ARL15: variants seen among roughly 807,000 people sequenced by gnomAD.
ARL15 encodes ARF like GTPase 15.
In ARL15, 19 loss-of-function variants were observed where a neutral mutation model predicts 25.2. That is an observed-to-expected ratio of 0.75 (90% confidence interval 0.53 to 1.10). The LOEUF (loss-of-function observed/expected upper bound fraction) is 1.10. Ranked by LOEUF, ARL15 falls within the 50% of genes least tolerant of loss-of-function variation. The pLI, the probability that ARL15 is intolerant of heterozygous loss-of-function variation, is 0.00. For missense variants in ARL15, 220 were observed against 246.0 expected (o/e 0.89, Z 0.71); for synonymous variants, 94 against 86.8 (o/e 1.08, Z -0.46).
chr5:54,076,026 G>A (rs1751588067), intron 4 of ARL15, among the ~76,000 whole-genome samples: 1 of 152,134 alleles, frequency 6.6e-6, no homozygotes, highest in African/African-American at 2.4e-5. Flanking sequence ...GTGTGCATGT[G>A]TAAATAATAC....
rs533795169 is a variant in ARL15 at position 54,236,743 on chromosome 5, CAAGT to C, written c.49-64819_49-64816del. On this transcript the variant is annotated intron_variant, in intron 1 of 4. Coordinates refer to ENST00000504924, the MANE Select transcript of ARL15 (RefSeq NM_019087.3). ...ATTTAAACAAAATCCTTCTTTTCTT[CAAGT>C]AATTAAAACTCTTTAATCTTTTATC... Among the ~76,000 whole-genome samples the C allele has an allele frequency of 1.5e-3, 224 of 152,332 alleles. 2 individuals carry two copies. The highest frequency in any genetic ancestry group is 5.0e-3 in the African/African-American group (207 of 41,582).
intron 1 of ARL15, among the ~76,000 whole-genome samples, chr5:54,283,122 G>A (rs1047984348): frequency 2.0e-5 from 3 of 152,148 alleles, no homozygotes; most frequent in Non-Finnish European, 4.4e-5. Flanking sequence ...CAGCAATCAC[G>A]GTTTTATCCA....
chr5:54,040,600 T>G (rs1750313571), intron 4 of ARL15, among the ~76,000 whole-genome samples: 1 of 152,212 alleles, frequency 6.6e-6, no homozygotes, highest in South Asian at 2.1e-4. Flanking sequence ...CTGCATTCAT[T>G]ATGTTTTTTA....
At chr5:54,035,816 C>T (rs374050) in intron 4 of ARL15, among the ~76,000 whole-genome samples, 4 of 151,692 alleles carry the variant, frequency 2.6e-5, no homozygotes, top group African/African-American at 4.8e-5. Context: ...TTTTTAAAAC[C>T]CAAGTCCATT....
At chr5:54,241,661 CTAAT>C (rs1302769172) in intron 1 of ARL15, among the ~76,000 whole-genome samples, 1 of 152,132 alleles carries the variant, frequency 6.6e-6, no homozygotes, top group Non-Finnish European at 1.5e-5. Context: ...TTAAAAATAA[CTAAT>C]TATATAATTC....
intron 1 of ARL15, among the ~76,000 whole-genome samples, chr5:54,207,867 G>A (rs966112029): frequency 4.6e-5 from 7 of 152,210 alleles, no homozygotes; most frequent in African/African-American, 1.2e-4. Flanking sequence ...TCCTCTCTCC[G>A]ATTTCACAAG....
intron 2 of ARL15, among the ~76,000 whole-genome samples, chr5:54,169,919 T>C (rs1016352574): frequency 1.4e-4 from 22 of 152,218 alleles, no homozygotes; most frequent in African/African-American, 4.8e-4. Context: ...CTTTCCCTCA[T>C]CCTAAAATCA....
chr5:54,091,578 A>C (rs1752128549), intron 4 of ARL15, among the ~76,000 whole-genome samples: 1 of 152,134 alleles, frequency 6.6e-6, no homozygotes, highest in Non-Finnish European at 1.5e-5. Context: ...CCAGCAACCC[A>C]GTTGTGGGCC....
intron 4 of ARL15, among the ~76,000 whole-genome samples, chr5:53,984,882 T>A (rs75250438): frequency 0.033 from 4,952 of 152,282 alleles, 102 homozygotes; most frequent in Non-Finnish European, 0.052. Flanking sequence ...GGACTGAACC[T>A]GTAGCTAGGC....
intron 1 of ARL15, among the ~76,000 whole-genome samples, chr5:54,299,442 T>G (rs573065768): frequency 7.2e-5 from 11 of 152,302 alleles, no homozygotes; most frequent in African/African-American, 2.4e-4. Flanking sequence ...AACATTTAAT[T>G]TCTCTAAGCT....
At chr5:54,121,344 T>C (rs757813299) in intron 3 of ARL15, among the ~76,000 whole-genome samples, 7 of 152,084 alleles carry the variant, frequency 4.6e-5, no homozygotes, top group Non-Finnish European at 8.8e-5. Context: ...TTTCTCCACC[T>C]GGCCCATTCC....
chr5:54,239,733 T>C (rs1756904688), intron 1 of ARL15, among the ~76,000 whole-genome samples: 1 of 152,196 alleles, frequency 6.6e-6, no homozygotes, highest in Non-Finnish European at 1.5e-5. Context: ...GTGATGGCTT[T>C]AGCTCAAATA....
chr5:53,968,191 A>T (rs1233004026), intron 4 of ARL15, among the ~76,000 whole-genome samples: 2 of 152,166 alleles, frequency 1.3e-5, no homozygotes, highest in Non-Finnish European at 2.9e-5. Context: ...CATGATGTAA[A>T]CTGATACTCT....
chr5:54,283,581 AG>A (rs58241571), intron 1 of ARL15, among the ~76,000 whole-genome samples: 152,324 of 152,324 alleles, frequency 1, 76,162 homozygotes, highest in Non-Finnish European at 1. Flanking sequence ...AAAACAAACC[AG>A]GGGCCATGCC....
intron 1 of ARL15, among the ~76,000 whole-genome samples, chr5:54,263,854 T>A (rs994438664): frequency 1.3e-5 from 2 of 152,170 alleles, no homozygotes; most frequent in Non-Finnish European, 2.9e-5. Context: ...AGTTGCAAGA[T>A]CATCTTCTTT....
intron 4 of ARL15, among the ~76,000 whole-genome samples, chr5:54,008,896 T>C (rs921724230): frequency 2.6e-5 from 4 of 152,232 alleles, no homozygotes; most frequent in Non-Finnish European, 5.9e-5. Flanking sequence ...TCTGGCATTG[T>C]CATTTCAGTA....
chr5:54,300,523 G>A (rs374637472), intron 1 of ARL15, among the ~76,000 whole-genome samples: 1 of 152,136 alleles, frequency 6.6e-6, no homozygotes, highest in African/African-American at 2.4e-5. Context: ...GTCAAACCCC[G>A]ATTCACGAGT....
At chr5:54,260,236 C>T (rs1206241914) in intron 1 of ARL15, among the ~76,000 whole-genome samples, 1 of 152,146 alleles carries the variant, frequency 6.6e-6, no homozygotes, top group Non-Finnish European at 1.5e-5. Flanking sequence ...TACTCAGAGC[C>T]ACTCTGAGCT....
At chr5:53,914,472 C>T (rs565813971) in intron 4 of ARL15, among the ~76,000 whole-genome samples, 1 of 152,306 alleles carries the variant, frequency 6.6e-6, no homozygotes, top group East Asian at 1.9e-4. Flanking sequence ...TGTCACTTCC[C>T]TTCTTTGTTT....
Sources: gnomAD v4.1 joint callset for allele counts (sites outside exome capture counted in the v4.1 genomes callset) on GRCh38, gnomAD v4.1.1 for gene constraint, MANE v1.5 for transcripts, NCBI Gene and HGNC (gene_info 2026-07-23, HGNC 2026-07-21) for gene names.